Variants in POLE observed in about 807,000 individuals in gnomAD.
POLE encodes DNA polymerase epsilon, catalytic subunit, also known as DNA polymerase epsilon catalytic subunit A.
In POLE, 188 loss-of-function variants were observed where a neutral mutation model predicts 279.2. The ratio of observed to expected loss-of-function variants is 0.67; its 90% confidence interval spans 0.60 to 0.76. The LOEUF (loss-of-function observed/expected upper bound fraction) is 0.76. Among genes scored for constraint, POLE ranks in the 30% least tolerant of loss-of-function variants. POLE has a pLI of 0.00. For missense variants in POLE, 2,703 were observed against 3,016.7 expected (o/e 0.90, Z 2.44); for synonymous variants, 1,214 against 1,172.5 (o/e 1.04, Z -0.72).
At chr12:132,625,933 T>G in intron 46 of POLE, 163 bp from the exon 47 acceptor site, 2 of 1,140,900 alleles carry the variant, frequency 1.8e-6, no homozygotes, top group South Asian at 3.0e-5. Flanking sequence ...ACTTGAGCCC[T>G]TCCTAGGACA....
At chr12:132,636,375 C>G (rs5744988) in intron 41 of POLE, among the ~76,000 whole-genome samples, 12,828 of 145,874 alleles carry the variant, frequency 0.088, 628 homozygotes, top group Non-Finnish European at 0.11. Context: ...TATCGTCATC[C>G]TTGTCACTCC....
intron 40 of POLE, 72 bp from the exon 41 acceptor site, chr12:132,638,211 C>T (rs1015514172): frequency 2.0e-6 from 3 of 1,484,154 alleles, no homozygotes; most frequent in African/African-American, 2.8e-5. Context: ...CCAGAAAATC[C>T]AAGAGGGAAA....
Position 132,657,408 on chromosome 12 carries a change from T to G in POLE, c.3400A>C (p.Ile1134Leu), listed in dbSNP as rs1060500888. 6.2e-7 allele frequency: 1 copy of G among 1,614,006 alleles called. No homozygotes were observed. The highest frequency in any genetic ancestry group is 1.1e-5 in the South Asian group (1 of 91,060). The change falls in exon 28 of 49, where the codon ATT (isoleucine) becomes CTT (leucine). Residue 1134 changes from isoleucine (I) to leucine (L), a missense_variant. By Grantham distance (5) the Ile-to-Leu change is conservative (BLOSUM62 2). Transcript: ENST00000320574. Reference sequence around the variant, plus strand: ...TGGATGGCGCTTCCCAGCCGCTCAATGTAGTAGTCCCAATCCAGAATCTGC... The same window carrying G: ...TGGATGGCGCTTCCCAGCCGCTCAAGGTAGTAGTCCCAATCCAGAATCTGC... ...IRAILDWDYY[I>L]ERLGSAIQKI... is the part of the protein sequence containing the mutation.
intron 42 of POLE, 107 bp downstream of exon 42, chr12:132,635,785 C>T: frequency 1.7e-6 from 2 of 1,162,422 alleles, no homozygotes; most frequent in Non-Finnish European, 2.4e-6. Flanking sequence ...GGTGCAGTGT[C>T]TGCTGCTCAC....
Position 132,624,911 on chromosome 12 carries a change from G to A in POLE, c.6741C>T (p.His2247=), listed in dbSNP as rs1414304090. 14 of 1,613,706 alleles carry A rather than the reference G, an allele frequency of 8.7e-6. No homozygotes were observed. The highest frequency in any genetic ancestry group is 1.7e-5 in the Admixed American group (1 of 60,028). Residue 2247 remains histidine, a synonymous_variant, in exon 48 of 49, where the codon CAC becomes CAT. Transcript: ENST00000320574. ...CAGATGAGGGAGAGCCCACCTGGGT[G>A]TGGATGGTGAGGGCGAAGTCTCCCG... The part of the protein sequence containing the change: ...SCAGDFALTI[H]TQVFMEQIGI...
intron 32 of POLE, among the ~76,000 whole-genome samples, chr12:132,645,551 C>T (rs1437947180): frequency 2.6e-5 from 4 of 152,108 alleles, no homozygotes; most frequent in Non-Finnish European, 5.9e-5. Flanking sequence ...CACAAAGAGG[C>T]AAGGAAGAGC....
chr12:132,676,022 G>A (rs2043042808), intron 10 of POLE, 72 bp downstream of exon 10: 2 of 1,065,828 alleles, frequency 1.9e-6, no homozygotes, highest in Non-Finnish European at 2.8e-6. Flanking sequence ...CGGAATGCCT[G>A]AGGCCTTGGA....
chr12:132,665,266 C>T (rs1160447448), intron 21 of POLE, 36 bp downstream of exon 21: 1 of 1,600,282 alleles, frequency 6.2e-7, no homozygotes, highest in Non-Finnish European at 8.6e-7. Flanking sequence ...TCATCCATTC[C>T]TCCCATAAGC....
At chr12:132,644,782 G>GGA (rs2042239264) in intron 32 of POLE, among the ~76,000 whole-genome samples, 1 of 112,372 alleles carries the variant, frequency 8.9e-6, no homozygotes, top group Non-Finnish European at 1.9e-5. Flanking sequence ...CTCCCTGTGT[G>GGA]GGGTCCTGGG....
In POLE at chr12:132,650,053, A is replaced by G. The variant is rs5744898; in HGVS notation, c.3583-164T>C. Reference sequence around the variant, plus strand: ...GCAAGACCCTGTCTCTACAAAATATATTACAAATTAGCCAGGCGTGGTAGT... The same window carrying G: ...GCAAGACCCTGTCTCTACAAAATATGTTACAAATTAGCCAGGCGTGGTAGT... On this transcript the variant is annotated intron_variant, in intron 29 of 48. Transcript: ENST00000320574. Among the ~76,000 whole-genome samples the G allele has an allele frequency of 0.071, 10,817 of 152,072 alleles. 545 individuals carry two copies. Among genetic ancestry groups the G allele is most frequent in the Admixed American group, 0.14 (2,069 of 15,250 alleles).
chr12:132,628,835 A>G (rs2041884550), intron 45 of POLE, among the ~76,000 whole-genome samples: 1 of 152,202 alleles, frequency 6.6e-6, no homozygotes, highest in Admixed American at 6.5e-5. Flanking sequence ...CACGCCTCCC[A>G]CAATAGTCTT....
At chr12:132,648,884 C>T (rs2042347886) in intron 32 of POLE, 45 bp downstream of exon 32, 1 of 1,575,208 alleles carries the variant, frequency 6.3e-7, no homozygotes, top group Admixed American at 1.7e-5. Flanking sequence ...AAAGCCACCT[C>T]AGGCTGCCCA....
At position 132,668,734 on chromosome 12, in the gene POLE, AG is replaced by A. The variant is rs1255268250; in HGVS notation, c.1926del (p.Ser643LeufsTer149). ...CAGGTGGCTTCGTCCACCATGGCAG[AG>A]GGCTGGGAGGGGTGAGAAAGCACTT... ...PNIILTNRLQ[P>X]SAMVDEATCA... On this transcript the variant is annotated frameshift_variant and splice_region_variant, in exon 18 of 49. Coordinates refer to ENST00000320574, the MANE Select transcript of POLE (RefSeq NM_006231.4). LOFTEE classifies it high-confidence loss of function. This position sits in a 1 kb window ranked among gnomAD's most constrained non-coding sequence, Gnocchi z 4.0. The A allele has an allele frequency of 6.2e-7, 1 of 1,613,860 alleles. No homozygotes were observed.
intron 2 of POLE, 159 bp downstream of exon 2, chr12:132,680,979 A>T: frequency 1.2e-6 from 1 of 819,018 alleles, no homozygotes; most frequent in Non-Finnish European, 1.9e-6. Flanking sequence ...TGTGGCCCTC[A>T]ATGACGTTAA....
At chr12:132,663,287 G>A (rs970085251) in intron 23 of POLE, among the ~76,000 whole-genome samples, 3 of 152,224 alleles carry the variant, frequency 2.0e-5, no homozygotes, top group African/African-American at 7.2e-5. Flanking sequence ...CCACAGTAAG[G>A]CCTGCAGAAG....
rs758112633 is a variant in POLE at position 132,668,742 on chromosome 12, GA to G, written c.1924-6del. On this transcript the variant is annotated splice_polypyrimidine_tract_variant and splice_region_variant and intron_variant, in intron 17 of 48. Coordinates refer to ENST00000320574, the MANE Select transcript of POLE (RefSeq NM_006231.4). The surrounding 1 kb of genome is among the most constrained non-coding windows in gnomAD (Gnocchi z 4.0). ...TTCGTCCACCATGGCAGAGGGCTGG[GA>G]GGGGTGAGAAAGCACTTAGGGCTGG... 16 of 1,613,962 alleles carry G rather than the reference GA, an allele frequency of 9.9e-6. No homozygotes were observed. The African/African-American group carries it at 1.9e-4, about 19-fold the overall frequency.
intron 45 of POLE, among the ~76,000 whole-genome samples, chr12:132,631,123 G>A (rs1474161588): frequency 2.0e-5 from 3 of 152,222 alleles, no homozygotes; most frequent in Non-Finnish European, 4.4e-5. Context: ...GCTCGCAACA[G>A]AAAGGGAGTT....
intron 45 of POLE, among the ~76,000 whole-genome samples, chr12:132,631,970 G>C (rs986801793): frequency 1.3e-5 from 2 of 152,188 alleles, no homozygotes; most frequent in Non-Finnish European, 2.9e-5. Flanking sequence ...GACCTTTCCT[G>C]TCTTGCTCAC....
chr12:132,626,032 C>A, intron 46 of POLE, 85 bp downstream of exon 46: 1 of 1,360,150 alleles, frequency 7.4e-7, no homozygotes, highest in Admixed American at 2.0e-5. Context: ...ACCCACAGAG[C>A]TGGAGCTGCA....
Sources: allele counts gnomAD v4.1 joint callset (sites outside exome capture counted in the v4.1 genomes callset), GRCh38; gene constraint gnomAD v4.1.1; non-coding constraint Gnocchi (gnomAD v3.1); transcripts MANE v1.5; gene names NCBI Gene and HGNC (gene_info 2026-07-23, HGNC 2026-07-21).